Variants in LUZP2 observed in about 807,000 individuals in gnomAD.
The protein encoded by LUZP2 is leucine zipper protein 2.
A neutral mutation model predicts 51.6 loss-of-function variants in LUZP2; 52 were observed. That is an observed-to-expected ratio of 1.01 (90% confidence interval 0.81 to 1.27). LUZP2 has a LOEUF of 1.27. LUZP2 is among the 50% of genes most tolerant of loss of function. The pLI is 0.00. For synonymous variants in LUZP2, 154 were observed against 137.3 expected, an observed-to-expected ratio of 1.12 and a Z score of -0.85; for missense variants, 436 against 395.4, an observed-to-expected ratio of 1.10 and a Z score of -0.87.
intron 1 of LUZP2, among the ~76,000 whole-genome samples, chr11:24,529,445 G>A (rs1408450840): frequency 6.6e-6 from 1 of 150,878 alleles, no homozygotes; most frequent in Non-Finnish European, 1.5e-5. Context: ...GCATGCTATA[G>A]AGAAAAAAAT....
chr11:24,784,721 G>A (rs368436304), intron 5 of LUZP2, among the ~76,000 whole-genome samples: 27 of 152,108 alleles, frequency 1.8e-4, no homozygotes, highest in African/African-American at 6.5e-4. Context: ...TGAAAGGAAT[G>A]CTTCTTGCCC....
chr11:24,658,107 A>T (rs996685860), intron 1 of LUZP2, among the ~76,000 whole-genome samples: 1 of 152,190 alleles, frequency 6.6e-6, no homozygotes, highest in Admixed American at 6.5e-5. Context: ...AAAAGAGCCC[A>T]CATTGCCAAG....
intron 4 of LUZP2, among the ~76,000 whole-genome samples, chr11:24,749,361 A>G (rs1859494481): frequency 6.6e-6 from 1 of 152,184 alleles, no homozygotes. Context: ...TCTTCTGGTT[A>G]TTTGGTTATA....
intron 9 of LUZP2, among the ~76,000 whole-genome samples, chr11:25,005,750 C>T (rs1012656568): frequency 2.6e-5 from 4 of 152,130 alleles, no homozygotes; most frequent in Non-Finnish European, 5.9e-5. Context: ...TGAGGAAGGT[C>T]GGATTTAGTG....
In LUZP2 at chr11:24,668,195, A is replaced by T. The variant is rs367731108; in HGVS notation, c.63-60974A>T. 6.6e-5 allele frequency among the ~76,000 whole-genome samples: 10 copies of T among 152,290 alleles called. No homozygotes were observed. In the East Asian group the frequency reaches 1.9e-3, roughly 29 times the overall value. ...AAAAGTGTGGTTTTCTTGCTTCTTT[A>T]ATCTGGTTTCACATGCTGGTACTTA... On this transcript the variant is annotated intron_variant, in intron 1 of 11. Transcript: ENST00000336930.
intron 5 of LUZP2, chr11:24,892,671 A>G (rs1158699361): frequency 1.3e-5 from 2 of 158,160 alleles, no homozygotes; most frequent in Non-Finnish European, 2.7e-5. Flanking sequence ...TATTTCATTT[A>G]TTTTATACAT....
chr11:24,781,372 A>G (rs1352190502), intron 5 of LUZP2, among the ~76,000 whole-genome samples: 1 of 152,064 alleles, frequency 6.6e-6, no homozygotes, highest in Non-Finnish European at 1.5e-5. Context: ...GATATATGAT[A>G]ATATAATCAT....
intron 7 of LUZP2, among the ~76,000 whole-genome samples, chr11:24,942,779 A>G (rs1854790913): frequency 6.6e-6 from 1 of 152,124 alleles, no homozygotes; most frequent in Non-Finnish European, 1.5e-5. Context: ...TTCTGTGTCT[A>G]TTTAAAGGTC....
At chr11:24,875,857 T>C (rs1200312749) in intron 5 of LUZP2, among the ~76,000 whole-genome samples, 1 of 152,154 alleles carries the variant, frequency 6.6e-6, no homozygotes, top group Non-Finnish European at 1.5e-5. Context: ...TAGCCAGTGA[T>C]GGTGAGCATT....
At chr11:24,629,037 C>A (rs1024935658) in intron 1 of LUZP2, among the ~76,000 whole-genome samples, 3 of 151,876 alleles carry the variant, frequency 2.0e-5, no homozygotes, top group Non-Finnish European at 1.5e-5. Context: ...GTAGTTAATG[C>A]AAACTTTCTA....
intron 1 of LUZP2, among the ~76,000 whole-genome samples, chr11:24,721,084 A>G (rs1411098745): frequency 6.6e-6 from 1 of 152,208 alleles, no homozygotes. Flanking sequence ...GAAAAATAAC[A>G]TAAACGACGT....
At chr11:24,875,192 G>T (rs1243621088) in intron 5 of LUZP2, among the ~76,000 whole-genome samples, 1 of 150,536 alleles carries the variant, frequency 6.6e-6, no homozygotes, top group Non-Finnish European at 1.5e-5. Flanking sequence ...ATGCTGGTGT[G>T]CTGCACCCAT....
intron 5 of LUZP2, among the ~76,000 whole-genome samples, chr11:24,805,532 T>G (rs538624694): frequency 3.3e-5 from 5 of 152,276 alleles, no homozygotes; most frequent in Non-Finnish European, 5.9e-5. Context: ...AACATTCTCT[T>G]GGATTTGCCC....
intron 4 of LUZP2, among the ~76,000 whole-genome samples, chr11:24,744,526 T>G (rs1859304727): frequency 6.6e-6 from 1 of 152,134 alleles, no homozygotes. Context: ...TTGAGTGATC[T>G]TTTGTATTTC....
chr11:24,688,228 T>C (rs574367578), intron 1 of LUZP2, among the ~76,000 whole-genome samples: 1 of 152,206 alleles, frequency 6.6e-6, no homozygotes, highest in Non-Finnish European at 1.5e-5. Flanking sequence ...ATGCTTTATA[T>C]ACATAATCTC....
intron 4 of LUZP2, among the ~76,000 whole-genome samples, chr11:24,746,826 C>T (rs1258491622): frequency 2.0e-5 from 3 of 152,088 alleles, no homozygotes; most frequent in African/African-American, 4.8e-5. Context: ...TTTCTTTCTT[C>T]TACGGGTTCA....
At chr11:24,778,111 G>A (rs756856711) in intron 5 of LUZP2, among the ~76,000 whole-genome samples, 2 of 151,924 alleles carry the variant, frequency 1.3e-5, no homozygotes, top group African/African-American at 2.4e-5. Context: ...TAAATCAAAC[G>A]TATAGTAAGC....
intron 5 of LUZP2, among the ~76,000 whole-genome samples, chr11:24,882,196 C>G (rs896243265): frequency 1.3e-5 from 2 of 151,970 alleles, no homozygotes; most frequent in Non-Finnish European, 2.9e-5. Flanking sequence ...GTCCAACATA[C>G]TTTAAATAGT....
chr11:24,912,790 A>G (rs1853677163), intron 6 of LUZP2, among the ~76,000 whole-genome samples: 1 of 152,140 alleles, frequency 6.6e-6, no homozygotes, highest in African/African-American at 2.4e-5. Context: ...AGCCTGGGCA[A>G]CAGAGCAAGA....
Sources: allele counts gnomAD v4.1 joint callset (sites outside exome capture counted in the v4.1 genomes callset), GRCh38; gene constraint gnomAD v4.1.1; transcripts MANE v1.5; gene names NCBI Gene and HGNC (gene_info 2026-07-23, HGNC 2026-07-21).